The following UGT2A2 variants were observed in gnomAD, a reference collection of about 807,000 sequenced individuals.
The protein encoded by UGT2A2 is UDP glucuronosyltransferase family 2 member A2.
In UGT2A2, 60 loss-of-function variants were observed where a neutral mutation model predicts 50.7. The ratio of observed to expected loss-of-function variants is 1.18; its 90% CI spans 0.96 to 1.47. The LOEUF (loss-of-function observed/expected upper bound fraction) is 1.47, where lower values mean the gene tolerates loss of function less well. UGT2A2 is among the 40% of genes most tolerant of loss of function. The probability of loss-of-function intolerance (pLI) is 0.00; values close to 1 mark genes in which losing one functional copy is unlikely to be tolerated. For missense variants in UGT2A2, 762 were observed against 634.0 expected, an observed-to-expected ratio of 1.20 and a Z score of -2.17; for synonymous variants, 242 against 214.6, an observed-to-expected ratio of 1.13 and a Z score of -1.11.
At chr4:69,635,850 AG>A (rs1407625794) in intron 1 of UGT2A2, 4,218 of 107,682 alleles carry the variant, frequency 0.039, 168 homozygotes, top group African/African-American at 0.1. Flanking sequence ...AAAAAAAAAA[AG>A]AGAGAGAGAG....
chr4:69,626,529 T>C (rs1212907456), intron 1 of UGT2A2, among the ~76,000 whole-genome samples: 1 of 151,628 alleles, frequency 6.6e-6, no homozygotes, highest in Admixed American at 6.6e-5. Context: ...ATTTATTGGG[T>C]ATTATGCTCA....
chr4:69,621,587 G>A (rs1720761116), intron 1 of UGT2A2, among the ~76,000 whole-genome samples: 1 of 151,806 alleles, frequency 6.6e-6, no homozygotes. Context: ...GTGGAAAGCA[G>A]TGTGGTGATT....
At chr4:69,613,824 G>A (rs950253699) in intron 1 of UGT2A2, among the ~76,000 whole-genome samples, 25 of 151,812 alleles carry the variant, frequency 1.6e-4, no homozygotes, top group African/African-American at 6.0e-4. Context: ...AAGGAACATA[G>A]CTCAACATTA....
intron 1 of UGT2A2, among the ~76,000 whole-genome samples, chr4:69,628,095 G>A (rs1721189482): frequency 6.6e-6 from 1 of 151,868 alleles, no homozygotes; most frequent in Non-Finnish European, 1.5e-5. Context: ...ATGTCAAGAA[G>A]CATTTCCCTA....
intron 1 of UGT2A2, among the ~76,000 whole-genome samples, chr4:69,637,654 C>T (rs1469245453): frequency 6.6e-6 from 1 of 152,068 alleles, no homozygotes; most frequent in African/African-American, 2.4e-5. Context: ...ACTATCTGTT[C>T]TTCTTACTTT....
In UGT2A2 at chr4:69,594,577, C is replaced by A. The variant is rs761325918; in HGVS notation, c.1231G>T (p.Ala411Ser). The change falls in exon 5 of 6, where the codon GCT (alanine) becomes TCT (serine). Residue 411 changes from alanine (A) to serine (S), a missense_variant. By Grantham distance (99) the Ala-to-Ser change is moderately conservative. Coordinates refer to ENST00000604629, the MANE Select transcript of UGT2A2 (RefSeq NM_001105677.2). ...GCTGCTCCTTTGGCCTTCATGTGAG[C>A]AATGTTATCAGGCTGATCAGCAAAC... is the stretch of plus-strand genomic sequence containing the variant. ...PMFADQPDNI[A>S]HMKAKGAAVE... The A allele has an allele frequency of 6.2e-7, 1 of 1,614,100 alleles. No individual in the cohort carries two copies. The highest frequency in any genetic ancestry group is 8.5e-7 in the Non-Finnish European group (1 of 1,180,036).
At chr4:69,636,130 C>G (rs1229543004) in intron 1 of UGT2A2, among the ~76,000 whole-genome samples, 1 of 152,116 alleles carries the variant, frequency 6.6e-6, no homozygotes, top group Non-Finnish European at 1.5e-5. Flanking sequence ...TGATGTCCTT[C>G]AAGACATTTG....
intron 1 of UGT2A2, among the ~76,000 whole-genome samples, chr4:69,618,824 C>A (rs1720566118): frequency 1.3e-5 from 2 of 151,714 alleles, no homozygotes; most frequent in Admixed American, 1.3e-4. Flanking sequence ...TATGAAACAA[C>A]TATTAAATGA....
chr4:69,608,132 G>A (rs575449277), intron 1 of UGT2A2, among the ~76,000 whole-genome samples: 23 of 152,208 alleles, frequency 1.5e-4, no homozygotes, highest in Non-Finnish European at 2.8e-4. Flanking sequence ...TATGTTTATT[G>A]CAGCGCTATT....
chr4:69,608,070 G>A (rs6826237), intron 1 of UGT2A2, among the ~76,000 whole-genome samples: 38,751 of 151,960 alleles, frequency 0.26, 5,435 homozygotes, highest in African/African-American at 0.37. Flanking sequence ...CCATTACTGC[G>A]TATATACCCA....
At chr4:69,636,339 C>A (rs1189490823) in intron 1 of UGT2A2, among the ~76,000 whole-genome samples, 2 of 152,238 alleles carry the variant, frequency 1.3e-5, no homozygotes, top group Middle Eastern at 3.4e-3. Context: ...GTTCTTAATC[C>A]TTTTGTTTGT....
intron 5 of UGT2A2, among the ~76,000 whole-genome samples, chr4:69,593,890 G>T (rs1373211473): frequency 1.3e-5 from 2 of 149,946 alleles, no homozygotes; most frequent in Admixed American, 1.3e-4. Flanking sequence ...ATATTAAGCA[G>T]ATTATCCAGA....
intron 1 of UGT2A2, among the ~76,000 whole-genome samples, chr4:69,616,028 T>G (rs1344816316): frequency 3.3e-5 from 5 of 152,120 alleles, no homozygotes; most frequent in African/African-American, 1.2e-4. Context: ...AATGGGTGAA[T>G]CAACGGACAA....
In UGT2A2 at chr4:69,602,116, A is replaced by G. The variant is rs151090454; in HGVS notation, c.743-2722T>C. ...TTAACAAAAGATATGAAAAAGTTGG[A>G]CTCATTATAGTAATGAAATGATAGC... On this transcript the variant is annotated intron_variant, in intron 1 of 5. Transcript: ENST00000604629. Among the ~76,000 whole-genome samples, 61 of 136,882 alleles carry G rather than the reference A, an allele frequency of 4.5e-4. 13 individuals carry two copies. Among genetic ancestry groups the G allele is most frequent in the African/African-American group, 1.8e-3 (61 of 33,936 alleles). The allele number at this position is 136,882 out of a possible 152,430, so 89.8% of individuals were successfully genotyped here.
Position 69,589,470 on chromosome 4 carries a change from G to T in UGT2A2, c.1513C>A (p.Leu505Met), listed in dbSNP as rs945149629. Residue 505 changes from leucine (L) to methionine (M), a missense_variant, in exon 6 of 6, where the codon CTG (leucine) becomes ATG (methionine). Transcript: ENST00000604629. ...AATATAGCCGTTGTCACACAGACCA[G>T]CAAGAACCCAATTACATCCAAAGAG... ...YHSLDVIGFL[L>M]VCVTTAIFLV... 8.1e-6 allele frequency: 13 copies of T among 1,613,990 alleles called. No homozygotes were observed. In the African/African-American group the frequency reaches 1.7e-4, roughly 22 times the overall value.
chr4:69,596,848 C>A (rs143732651), intron 2 of UGT2A2, among the ~76,000 whole-genome samples: 1 of 152,126 alleles, frequency 6.6e-6, no homozygotes, highest in Non-Finnish European at 1.5e-5. Context: ...AGAGGAAACA[C>A]GTCTCTGAAA....
At chr4:69,618,959 C>T (rs968715338) in intron 1 of UGT2A2, among the ~76,000 whole-genome samples, 3 of 151,476 alleles carry the variant, frequency 2.0e-5, no homozygotes, top group Non-Finnish European at 4.4e-5. Flanking sequence ...GTTTAACATA[C>T]TTTAAATTAA....
intron 1 of UGT2A2, among the ~76,000 whole-genome samples, chr4:69,630,647 CAT>C (rs1274803913): frequency 6.6e-6 from 1 of 152,046 alleles, no homozygotes; most frequent in African/African-American, 2.4e-5. Context: ...TAAAATGAGA[CAT>C]GTACTTTCAA....
rs1560474242 is a variant in UGT2A2 at position 69,606,117 on chromosome 4, C to A, written c.743-6723G>T. ...ATATCAAAGCCTGGCAGAGACACAACAAAAAAAGAGAATTTTAGACCAATA... is the reference window on the plus strand; with the variant it reads ...ATATCAAAGCCTGGCAGAGACACAAAAAAAAAAGAGAATTTTAGACCAATA... On this transcript the variant is annotated intron_variant, in intron 1 of 5. Coordinates refer to ENST00000604629, the MANE Select transcript of UGT2A2 (RefSeq NM_001105677.2). 3.0e-5 allele frequency among the ~76,000 whole-genome samples: 4 copies of A among 133,996 alleles called. 1 individual carries two copies. The highest frequency in any genetic ancestry group is 7.3e-5 in the Admixed American group (1 of 13,658). The allele number at this position is 133,996 out of a possible 152,430, so 87.9% of individuals were successfully genotyped here.
Sources: allele counts gnomAD v4.1 joint callset (sites outside exome capture counted in the v4.1 genomes callset), GRCh38; gene constraint gnomAD v4.1.1; transcripts MANE v1.5; gene names NCBI Gene and HGNC (gene_info 2026-07-23, HGNC 2026-07-21).